The following PRKAG2 variants were observed in gnomAD, a reference collection of about 807,000 sequenced individuals.
The protein encoded by PRKAG2 is protein kinase AMP-activated non-catalytic subunit gamma 2, also known as 5'-AMP-activated protein kinase subunit gamma-2.
Under a neutral mutation model 69.6 loss-of-function variants are expected in PRKAG2, and 26 were observed. The observed-to-expected ratio is 0.37, with a 90% CI of 0.27 to 0.52. The LOEUF is 0.52. Ranked by LOEUF, PRKAG2 falls within the 20% of genes least tolerant of loss-of-function variation. PRKAG2 has a pLI of 0.90. For missense variants in PRKAG2, 557 were observed against 740.0 expected, an observed-to-expected ratio of 0.75 and a Z score of 2.87; for synonymous variants, 293 against 285.0, an observed-to-expected ratio of 1.03 and a Z score of -0.28.
At chr7:151,810,712 C>A (rs2078375186) in intron 1 of PRKAG2, 1 of 153,786 alleles carries the variant, frequency 6.5e-6, no homozygotes, top group African/African-American at 2.4e-5. Context: ...GACTAAGGAG[C>A]TGCAGCCATT....
intron 3 of PRKAG2, among the ~76,000 whole-genome samples, chr7:151,727,782 C>T (rs572699417): frequency 3.3e-5 from 5 of 152,260 alleles, no homozygotes; most frequent in African/African-American, 9.6e-5. Flanking sequence ...GCAGGGCAGC[C>T]GGGTCAGCGT....
At chr7:151,746,689 G>A (rs901265829) in intron 3 of PRKAG2, among the ~76,000 whole-genome samples, 1 of 152,228 alleles carries the variant, frequency 6.6e-6, no homozygotes, top group African/African-American at 2.4e-5. Flanking sequence ...ACTGAAGGCC[G>A]CCTGCTCCAG....
At position 151,865,252 on chromosome 7, in the gene PRKAG2, C is replaced by T. The variant is rs114993348; in HGVS notation, c.114+11255G>A. ...CTGCTGGACACACGGCCCAGTTGTCCCCGCGGCTCGGCTGGCATGGAGCCG... is the reference window on the plus strand; with the variant it reads ...CTGCTGGACACACGGCCCAGTTGTCTCCGCGGCTCGGCTGGCATGGAGCCG... On this transcript the variant is annotated intron_variant, in intron 1 of 15. Transcript: ENST00000287878. Among the ~76,000 whole-genome samples the T allele has an allele frequency of 9.9e-3, 1,502 of 152,338 alleles. 29 individuals carry two copies. Among genetic ancestry groups the T allele is most frequent in the African/African-American group, 0.034 (1,395 of 41,580 alleles).
At chr7:151,773,162 G>A (rs10262686) in intron 3 of PRKAG2, among the ~76,000 whole-genome samples, 3 of 133,228 alleles carry the variant, frequency 2.3e-5, no homozygotes, top group African/African-American at 5.9e-5. Flanking sequence ...GGAAGGAAGG[G>A]AAGCAAGGAA....
intron 1 of PRKAG2, among the ~76,000 whole-genome samples, chr7:151,832,550 T>TC (rs1194844772): frequency 2.1e-5 from 3 of 143,896 alleles, no homozygotes; most frequent in African/African-American, 7.6e-5. Context: ...CTAGGGGTTC[T>TC]CCCCCCTTCC....
At chr7:151,596,451 T>C (rs2151140389) in intron 5 of PRKAG2, among the ~76,000 whole-genome samples, 1 of 152,226 alleles carries the variant, frequency 6.6e-6, no homozygotes, top group African/African-American at 2.4e-5. Context: ...AAAACACTGA[T>C]GAAAGAATTG....
intron 1 of PRKAG2, among the ~76,000 whole-genome samples, chr7:151,834,625 C>T (rs1380671415): frequency 6.6e-6 from 1 of 152,230 alleles, no homozygotes; most frequent in Non-Finnish European, 1.5e-5. Context: ...ACTACCCCTA[C>T]TTGCTGGAAT....
At chr7:151,568,910 T>G in intron 10 of PRKAG2, 68 bp from the exon 11 acceptor site, 2 of 1,557,008 alleles carry the variant, frequency 1.3e-6, no homozygotes, top group South Asian at 2.2e-5. Flanking sequence ...GGACTACCCC[T>G]GCCTTAAAGC....
intron 3 of PRKAG2, among the ~76,000 whole-genome samples, chr7:151,723,825 C>T (rs905055283): frequency 1.3e-5 from 2 of 152,142 alleles, no homozygotes; most frequent in South Asian, 2.1e-4. Flanking sequence ...CTGCAGCAGA[C>T]GCAGGCGTTT....
intron 6 of PRKAG2, among the ~76,000 whole-genome samples, chr7:151,582,619 G>C (rs1186241243): frequency 2.0e-5 from 3 of 152,224 alleles, no homozygotes; most frequent in Admixed American, 1.3e-4. Flanking sequence ...CCCACTTCTT[G>C]TCAACGAGCT....
intron 1 of PRKAG2, among the ~76,000 whole-genome samples, chr7:151,793,737 G>A (rs1006914154): frequency 3.3e-5 from 5 of 152,238 alleles, no homozygotes; most frequent in Admixed American, 6.5e-5. Flanking sequence ...CCGGCCTTGC[G>A]CAATCCCCAA....
chr7:151,666,182 T>G (rs1200478384), intron 4 of PRKAG2, among the ~76,000 whole-genome samples: 1 of 152,206 alleles, frequency 6.6e-6, no homozygotes, highest in Non-Finnish European at 1.5e-5. Flanking sequence ...TGGACTGAAT[T>G]TATGTGTTAT....
At chr7:151,598,434 G>T in intron 5 of PRKAG2, among the ~76,000 whole-genome samples, 1 of 152,070 alleles carries the variant, frequency 6.6e-6, no homozygotes, top group East Asian at 1.9e-4. Flanking sequence ...TAGCTAGAAG[G>T]GAGGATTTTG....
chr7:151,797,619 A>G (rs2077621624), intron 1 of PRKAG2, among the ~76,000 whole-genome samples: 1 of 152,218 alleles, frequency 6.6e-6, no homozygotes, highest in South Asian at 2.1e-4. Context: ...TTCTACGGGT[A>G]CCCAAGGACT....
intron 3 of PRKAG2, among the ~76,000 whole-genome samples, chr7:151,704,271 C>T (rs1263910655): frequency 1.3e-5 from 2 of 152,172 alleles, no homozygotes; most frequent in Non-Finnish European, 2.9e-5. Flanking sequence ...TACAGTCACC[C>T]TACTGTGCTA....
chr7:151,855,736 T>TG (rs939181377), intron 1 of PRKAG2, among the ~76,000 whole-genome samples: 9 of 120,588 alleles, frequency 7.5e-5, no homozygotes, highest in African/African-American at 2.7e-4. Flanking sequence ...AGTGGGTGGG[T>TG]GGGGGCAGGC....
At chr7:151,606,453 A>G (rs1233140542) in intron 5 of PRKAG2, among the ~76,000 whole-genome samples, 1 of 152,202 alleles carries the variant, frequency 6.6e-6, no homozygotes, top group Non-Finnish European at 1.5e-5. Flanking sequence ...AAATGAGTGT[A>G]ATTTGGAGTT....
chr7:151,775,000 CAG>C (rs1217703665), intron 3 of PRKAG2, among the ~76,000 whole-genome samples: 5 of 152,254 alleles, frequency 3.3e-5, no homozygotes, highest in Non-Finnish European at 5.9e-5. Context: ...ACTCAGAAAA[CAG>C]GGGATCATAG....
At chr7:151,791,344 G>A (rs931111915) in intron 1 of PRKAG2, among the ~76,000 whole-genome samples, 6 of 152,182 alleles carry the variant, frequency 3.9e-5, no homozygotes, top group African/African-American at 1.4e-4. Flanking sequence ...CAGGCTCCTG[G>A]ATGTGCCCCA....
Sources: allele counts gnomAD v4.1 joint callset (sites outside exome capture counted in the v4.1 genomes callset), GRCh38; gene constraint gnomAD v4.1.1; transcripts MANE v1.5; gene names NCBI Gene and HGNC (gene_info 2026-07-23, HGNC 2026-07-21).